The following LRIG1 variants were observed in gnomAD, a reference collection of about 807,000 sequenced individuals.
LRIG1 encodes the protein leucine-rich repeats and immunoglobulin-like domains protein 1.
A neutral mutation model predicts 99.2 loss-of-function variants in LRIG1; 48 were observed. The ratio of observed to expected loss-of-function variants is 0.48; its 90% CI spans 0.38 to 0.62. The LOEUF is 0.62. Ranked by LOEUF, LRIG1 falls within the 20% of genes least tolerant of loss-of-function variation. The pLI is 0.00. For missense variants in LRIG1, 1,646 were observed against 1,434.4 expected (o/e 1.15, Z -2.38); for synonymous variants, 772 against 596.1 (o/e 1.29, Z -4.30).
chr3:66,425,970 T>C (rs1272069284), intron 3 of LRIG1, among the ~76,000 whole-genome samples: 2 of 152,190 alleles, frequency 1.3e-5, no homozygotes, highest in African/African-American at 2.4e-5. Context: ...CATTTAAAAC[T>C]TTTTCTCATA....
intron 1 of LRIG1, chr3:66,498,001 A>C (rs1211299061): frequency 1.3e-5 from 2 of 152,204 alleles, no homozygotes. Flanking sequence ...ACTCACGGAG[A>C]CTAATGATTT....
At chr3:66,464,804 C>G (rs1490121691) in intron 1 of LRIG1, among the ~76,000 whole-genome samples, 2 of 152,190 alleles carry the variant, frequency 1.3e-5, no homozygotes, top group African/African-American at 4.8e-5. Context: ...AGTCACAACA[C>G]CCTTGGGTTT....
intron 2 of LRIG1, among the ~76,000 whole-genome samples, chr3:66,455,091 C>T (rs1454546080): frequency 6.6e-6 from 1 of 152,150 alleles, no homozygotes; most frequent in Non-Finnish European, 1.5e-5. Flanking sequence ...ATTATAGGCA[C>T]AGGCCACCAC....
At chr3:66,415,122 A>G in intron 4 of LRIG1, 59 bp from the exon 5 acceptor site, 3 of 1,531,612 alleles carry the variant, frequency 2.0e-6, no homozygotes, top group Non-Finnish European at 1.8e-6. Flanking sequence ...TCATTTCATT[A>G]TAGACACCAG....
At chr3:66,407,252 A>G in intron 8 of LRIG1, 96 bp downstream of exon 8, 1 of 1,358,042 alleles carries the variant, frequency 7.4e-7, no homozygotes, top group Non-Finnish European at 1.0e-6. Context: ...TCTGACTCGA[A>G]GCCAACGCAA....
intron 3 of LRIG1, among the ~76,000 whole-genome samples, chr3:66,434,653 A>G (rs939867513): frequency 2.0e-5 from 3 of 152,026 alleles, no homozygotes; most frequent in African/African-American, 7.2e-5. Context: ...AGGCTGAGGC[A>G]TAAGAATCAC....
intron 16 of LRIG1, 114 bp downstream of exon 16, chr3:66,382,159 C>T: frequency 1.6e-6 from 2 of 1,236,768 alleles, no homozygotes; most frequent in Non-Finnish European, 1.2e-6. Context: ...TCTACTTCAC[C>T]AAGTTTGCCC....
chr3:66,477,190 T>C (rs1018849853), intron 1 of LRIG1, among the ~76,000 whole-genome samples: 93 of 152,056 alleles, frequency 6.1e-4, no homozygotes, highest in African/African-American at 2.1e-3. Context: ...AATTTAAAGG[T>C]TGTTTGCACA....
chr3:66,386,155 T>C lies in LRIG1; in HGVS notation c.1615A>G (p.Asn539Asp), dbSNP rs1361309914. ...AWKKDNEVLT[N>D]ADMENFVHVH... is the part of the protein sequence containing the mutation. ...TGGACAAAGTTCTCCATGTCTGCAT[T>C]GGTCAGGACTTCATTGTCTTTCTTC... Residue 539 changes from asparagine to aspartate, a missense_variant, in exon 13 of 19, where the codon AAT becomes GAT. Asn to Asp is a conservative substitution (Grantham distance 23). Coordinates refer to ENST00000273261, the MANE Select transcript of LRIG1 (RefSeq NM_015541.3). The C allele has an allele frequency of 1.2e-6, 2 of 1,614,110 alleles. No individual in the cohort carries two copies.
intron 2 of LRIG1, among the ~76,000 whole-genome samples, chr3:66,455,717 G>C (rs1258132689): frequency 6.6e-6 from 1 of 152,266 alleles, no homozygotes; most frequent in East Asian, 1.9e-4. Flanking sequence ...GTATCACATA[G>C]GAATATGGGT....
intron 1 of LRIG1, among the ~76,000 whole-genome samples, chr3:66,489,860 A>C (rs150929625): frequency 1.3e-5 from 2 of 152,102 alleles, no homozygotes; most frequent in African/African-American, 4.8e-5. Flanking sequence ...AAGAAAATTA[A>C]TTTTTTCCTC....
chr3:66,433,071 A>G (rs1055427164), intron 3 of LRIG1, among the ~76,000 whole-genome samples: 2 of 152,174 alleles, frequency 1.3e-5, no homozygotes, highest in Non-Finnish European at 2.9e-5. Context: ...TCCCCATCCT[A>G]AACAGGTGGG....
At chr3:66,465,169 G>A (rs1056246128) in intron 1 of LRIG1, among the ~76,000 whole-genome samples, 2 of 152,132 alleles carry the variant, frequency 1.3e-5, no homozygotes, top group African/African-American at 4.8e-5. Flanking sequence ...TGGACAAGGG[G>A]CTGTTCTGGT....
intron 13 of LRIG1, among the ~76,000 whole-genome samples, chr3:66,385,717 G>A (rs1176137678): frequency 6.6e-6 from 1 of 152,212 alleles, no homozygotes; most frequent in Non-Finnish European, 1.5e-5. Context: ...TCTCCCAACT[G>A]CTGGGATTAC....
intron 1 of LRIG1, among the ~76,000 whole-genome samples, chr3:66,485,304 G>A (rs1057397767): frequency 3.3e-5 from 5 of 152,078 alleles, no homozygotes; most frequent in African/African-American, 4.8e-5. Context: ...CCAGGACTAC[G>A]TACATCTTAC....
At chr3:66,389,695 G>C (rs1039307673) in intron 12 of LRIG1, among the ~76,000 whole-genome samples, 2 of 152,118 alleles carry the variant, frequency 1.3e-5, no homozygotes, top group Admixed American at 1.3e-4. Context: ...ATTAAAGGAA[G>C]AAATAGTGCA....
chr3:66,440,461 C>T (rs1019582643), intron 3 of LRIG1, among the ~76,000 whole-genome samples: 1 of 152,162 alleles, frequency 6.6e-6, no homozygotes, highest in African/African-American at 2.4e-5. Context: ...GAGGAATGAA[C>T]AGATACATAT....
At chr3:66,455,440 G>A (rs956226035) in intron 2 of LRIG1, among the ~76,000 whole-genome samples, 8 of 152,196 alleles carry the variant, frequency 5.3e-5, no homozygotes, top group African/African-American at 1.9e-4. Flanking sequence ...ACAAATGTAC[G>A]TGTATTAAAC....
chr3:66,484,611 TAA>T (rs1700928164), intron 1 of LRIG1, among the ~76,000 whole-genome samples: 1 of 152,134 alleles, frequency 6.6e-6, no homozygotes, highest in Non-Finnish European at 1.5e-5. Flanking sequence ...TGGTGGTATT[TAA>T]AAAGTCTTTT....
Sources: gnomAD v4.1 joint callset for allele counts (sites outside exome capture counted in the v4.1 genomes callset) on GRCh38, gnomAD v4.1.1 for gene constraint, MANE v1.5 for transcripts, NCBI Gene and HGNC (gene_info 2026-07-23, HGNC 2026-07-21) for gene names.